Variants in NDUFA10 observed in about 807,000 individuals in gnomAD.
NDUFA10 encodes NADH dehydrogenase [ubiquinone] 1 alpha subcomplex subunit 10, mitochondrial.
In NDUFA10, 40 loss-of-function variants were observed where a neutral mutation model predicts 47.8. The observed-to-expected ratio is 0.84, with a 90% CI of 0.65 to 1.09. The LOEUF (loss-of-function observed/expected upper bound fraction) is 1.09, where lower values mean the gene tolerates loss of function less well. Among genes scored for constraint, NDUFA10 ranks in the 50% least tolerant of loss-of-function variants. NDUFA10 has a pLI of 0.00. For synonymous variants in NDUFA10, 183 were observed against 172.2 expected, an observed-to-expected ratio of 1.06 and a Z score of -0.49; for missense variants, 413 against 451.1, an observed-to-expected ratio of 0.92 and a Z score of 0.76.
chr2:239,918,605 T>G (rs768922703), intron 4 of NDUFA10, among the ~76,000 whole-genome samples: 5 of 152,206 alleles, frequency 3.3e-5, no homozygotes, highest in Non-Finnish European at 5.9e-5. Flanking sequence ...GGCAGCCTCA[T>G]CCACAGACCC....
intron 9 of NDUFA10, among the ~76,000 whole-genome samples, chr2:239,961,445 C>CTAAT (rs1694849987): frequency 6.6e-6 from 1 of 152,142 alleles, no homozygotes; most frequent in Admixed American, 6.5e-5. Flanking sequence ...TGAGTGTTCT[C>CTAAT]ATTAATGTCA....
chr2:239,982,209 G>C (rs769527852), intron 9 of NDUFA10: 14 of 1,612,772 alleles, frequency 8.7e-6, no homozygotes, highest in Non-Finnish European at 1.2e-5. Context: ...CTGCGGGTAG[G>C]GGATCCCCAG....
At chr2:239,911,787 C>T (rs959995605) in intron 4 of NDUFA10, among the ~76,000 whole-genome samples, 1 of 151,870 alleles carries the variant, frequency 6.6e-6, no homozygotes, top group Non-Finnish European at 1.5e-5. Context: ...ACACACACCA[C>T]ACACCACCCA....
chr2:239,894,461 T>C lies in NDUFA10; in HGVS notation c.*14+744A>G, dbSNP rs996301519. On this transcript the variant is annotated intron_variant, in intron 5 of 5. Transcript: ENST00000419408. ...CACCTCCTCCCCAGGATGAGAGCCT[T>C]GCAAGTTTCCTGCCACCTCCTCTGG... Among the ~76,000 whole-genome samples, 72 of 150,564 alleles carry C rather than the reference T, an allele frequency of 4.8e-4. 1 individual carries two copies. The highest frequency in any genetic ancestry group is 1.3e-4 in the Non-Finnish European group (9 of 67,626).
At chr2:240,014,368 A>T in intron 5 of NDUFA10, 1 of 336,734 alleles carries the variant, frequency 3.0e-6, no homozygotes, top group East Asian at 7.3e-5. Context: ...AATTGCTTCC[A>T]ATGTGGAAGA....
intron 1 of NDUFA10, among the ~76,000 whole-genome samples, chr2:240,024,820 G>A (rs1005204688): frequency 6.6e-6 from 1 of 152,206 alleles, no homozygotes; most frequent in Non-Finnish European, 1.5e-5. Flanking sequence ...ACTGAACTCC[G>A]TGTCTGCTCA....
chr2:240,010,962 T>C (rs557184019), intron 6 of NDUFA10, among the ~76,000 whole-genome samples: 1 of 152,290 alleles, frequency 6.6e-6, no homozygotes, highest in African/African-American at 2.4e-5. Flanking sequence ...AGAAATAGTA[T>C]AAAAATCTTC....
chr2:239,938,135 A>G (rs1245066284), intron 4 of NDUFA10, among the ~76,000 whole-genome samples: 1 of 152,166 alleles, frequency 6.6e-6, no homozygotes, highest in Non-Finnish European at 1.5e-5. Context: ...ACTCCCCAGC[A>G]GTCCCCACTT....
chr2:239,941,356 G>A lies in NDUFA10; in HGVS notation c.295-46042C>T, dbSNP rs181517895. ...ACAGGGACAGACACTTCCCACGCCCGATGATGTGAATGCACCGGGGGCACA... is the reference window on the plus strand; with the variant it reads ...ACAGGGACAGACACTTCCCACGCCCAATGATGTGAATGCACCGGGGGCACA... On this transcript the variant is annotated intron_variant, in intron 4 of 5. Coordinates refer to the NDUFA10 transcript ENST00000419408. Among the ~76,000 whole-genome samples the A allele has an allele frequency of 8.5e-5, 13 of 152,276 alleles. No individual in the cohort carries two copies. The East Asian group carries it at 9.7e-4, about 11-fold the overall frequency.
At chr2:239,990,917 A>G (rs977245209) in intron 8 of NDUFA10, among the ~76,000 whole-genome samples, 1 of 152,224 alleles carries the variant, frequency 6.6e-6, no homozygotes, top group South Asian at 2.1e-4. Context: ...AAAAAAAAAC[A>G]TTAAAATAAA....
chr2:239,930,955 G>C (rs111297234), intron 4 of NDUFA10, among the ~76,000 whole-genome samples: 1 of 146,502 alleles, frequency 6.8e-6, no homozygotes, highest in Non-Finnish European at 1.5e-5. Flanking sequence ...GCCCAGGAGG[G>C]GGGGCAGGGT....
chr2:239,971,722 A>G (rs957307322), intron 9 of NDUFA10, among the ~76,000 whole-genome samples: 4 of 152,202 alleles, frequency 2.6e-5, no homozygotes, highest in African/African-American at 9.7e-5. Context: ...TCTTTTAATG[A>G]TCAAGTCCAG....
In NDUFA10 at chr2:239,959,781, G is replaced by T; in HGVS notation, c.*1337C>A. 1.3e-6 allele frequency: 1 copy of T among 777,462 alleles called. No homozygotes were observed. Among genetic ancestry groups the T allele is most frequent in the Non-Finnish European group, 1.6e-6 (1 of 640,358 alleles). The allele number at this position is 777,462 out of a possible 1,614,324, so 48.2% of individuals were successfully genotyped here. The stretch of plus-strand genomic sequence containing the variant: ...AGAGGCAGGGAGGAAGGGAAGGGAG[G>T]AAAACAAGGACAGATGGAAGGAAGA... On this transcript the variant is annotated 3_prime_UTR_variant, in exon 10 of 10. Coordinates refer to ENST00000252711, the MANE Select transcript of NDUFA10 (RefSeq NM_004544.4).
At chr2:239,973,271 G>A (rs1236534139) in intron 9 of NDUFA10, among the ~76,000 whole-genome samples, 1 of 152,150 alleles carries the variant, frequency 6.6e-6, no homozygotes, top group African/African-American at 2.4e-5. Context: ...TGAGTTCCAA[G>A]TAAGGTCTGA....
downstream of NDUFA10, among the ~76,000 whole-genome samples, chr2:239,956,353 C>G (rs1446250519): frequency 6.6e-6 from 1 of 152,230 alleles, no homozygotes; most frequent in Admixed American, 6.5e-5. Context: ...ATGACCAGCA[C>G]AGCAGCTGCT....
At chr2:239,979,999 CCT>C (rs1182267752) in intron 9 of NDUFA10, among the ~76,000 whole-genome samples, 1 of 152,058 alleles carries the variant, frequency 6.6e-6, no homozygotes, top group East Asian at 1.9e-4. Flanking sequence ...CCCTCACTCC[CCT>C]GTGGCGCCTG....
chr2:239,960,641 CAATT>C lies in NDUFA10; in HGVS notation c.*473_*476del. On this transcript the variant is annotated 3_prime_UTR_variant, in exon 10 of 10. Coordinates refer to ENST00000252711, the MANE Select transcript of NDUFA10 (RefSeq NM_004544.4). ...AAACTCTTCAGCATAATGTAAGCCT[CAATT>C]AAACCACACCACACCAAACAGGGCC... 1 of 1,054,002 alleles carries C rather than the reference CAATT, an allele frequency of 9.5e-7. No homozygotes were observed. The highest frequency in any genetic ancestry group is 1.2e-6 in the Non-Finnish European group (1 of 869,266). 65.3% of individuals were successfully genotyped at this position (1,054,002 alleles called of 1,614,324 possible). A position where few individuals can be genotyped will look rare whatever the true frequency, so the allele number is the denominator to read the frequency against.
chr2:239,974,720 C>T (rs1227888520), intron 9 of NDUFA10, among the ~76,000 whole-genome samples: 1 of 152,224 alleles, frequency 6.6e-6, no homozygotes, highest in Non-Finnish European at 1.5e-5. Flanking sequence ...ATACGTGACA[C>T]TCCGCCACCA....
intron 4 of NDUFA10, among the ~76,000 whole-genome samples, chr2:239,939,818 C>A (rs529250387): frequency 1.9e-4 from 29 of 152,348 alleles, no homozygotes; most frequent in Admixed American, 5.9e-4. Context: ...ACGGTCAGAA[C>A]GCTGATAATC....
Sources: gnomAD v4.1 joint callset for allele counts (sites outside exome capture counted in the v4.1 genomes callset) on GRCh38, gnomAD v4.1.1 for gene constraint, MANE v1.5 for transcripts, NCBI Gene and HGNC (gene_info 2026-07-23, HGNC 2026-07-21) for gene names.